Variants in PIP4K2A observed in about 807,000 individuals in gnomAD.
PIP4K2A encodes the protein phosphatidylinositol 5-phosphate 4-kinase type-2 alpha.
A neutral mutation model predicts 42.9 loss-of-function variants in PIP4K2A; 14 were observed. That is an observed-to-expected ratio of 0.33 (90% confidence interval 0.22 to 0.51). The LOEUF (loss-of-function observed/expected upper bound fraction) is 0.51, where lower values mean the gene tolerates loss of function less well. PIP4K2A is among the 20% of genes least tolerant of loss of function. PIP4K2A has a pLI of 0.97. For synonymous variants in PIP4K2A, 192 were observed against 192.2 expected (o/e 1.00, Z 0.01); for missense variants, 434 against 519.8 (o/e 0.83, Z 1.61).
intron 1 of PIP4K2A, among the ~76,000 whole-genome samples, chr10:22,712,011 TC>T (rs1833919471): frequency 6.6e-6 from 1 of 152,210 alleles, no homozygotes; most frequent in African/African-American, 2.4e-5. Context: ...TAGCAATTCT[TC>T]CCACAGTAGC....
chr10:22,675,717 A>C (rs1291144852), intron 1 of PIP4K2A, among the ~76,000 whole-genome samples: 1 of 152,218 alleles, frequency 6.6e-6, no homozygotes, highest in Non-Finnish European at 1.5e-5. Flanking sequence ...TGATCAATGT[A>C]GTACAATTCT....
chr10:22,563,320 C>G (rs1836756336), intron 6 of PIP4K2A, among the ~76,000 whole-genome samples: 1 of 152,124 alleles, frequency 6.6e-6, no homozygotes, highest in African/African-American at 2.4e-5. Flanking sequence ...AATGTTTGCA[C>G]AGTGTAAGAC....
At chr10:22,588,633 G>A (rs1006962498) in intron 4 of PIP4K2A, among the ~76,000 whole-genome samples, 13 of 152,110 alleles carry the variant, frequency 8.5e-5, no homozygotes, top group African/African-American at 2.9e-4. Context: ...GTGAATACAT[G>A]AATAAATGAA....
At chr10:22,685,320 A>T (rs1839742042) in intron 1 of PIP4K2A, among the ~76,000 whole-genome samples, 1 of 152,202 alleles carries the variant, frequency 6.6e-6, no homozygotes, top group Non-Finnish European at 1.5e-5. Flanking sequence ...AATACTAAAA[A>T]ATTTCAGAAG....
intron 1 of PIP4K2A, among the ~76,000 whole-genome samples, chr10:22,630,452 G>A (rs1838525780): frequency 6.6e-6 from 1 of 152,118 alleles, no homozygotes. Context: ...TAGCTACTTA[G>A]ATGTTAAAAT....
chr10:22,704,249 C>T (rs1159332091), intron 1 of PIP4K2A, among the ~76,000 whole-genome samples: 2 of 151,998 alleles, frequency 1.3e-5, no homozygotes, highest in Non-Finnish European at 1.5e-5. Flanking sequence ...AAAAGAGGAG[C>T]CTGCACCTAA....
chr10:22,562,232 AAAAC>A (rs138286437), intron 6 of PIP4K2A, among the ~76,000 whole-genome samples: 96,498 of 151,390 alleles, frequency 0.64, 30,964 homozygotes, highest in South Asian at 0.77. Context: ...AAAAGTTAAA[AAAAC>A]AAACAAACAA....
intron 4 of PIP4K2A, among the ~76,000 whole-genome samples, chr10:22,580,913 C>T (rs966272454): frequency 1.2e-4 from 19 of 152,286 alleles, no homozygotes; most frequent in African/African-American, 3.4e-4. Flanking sequence ...TAATGCGGCC[C>T]GGGAGGCTCC....
chr10:22,540,989 T>A (rs1013870004), intron 8 of PIP4K2A, among the ~76,000 whole-genome samples: 3 of 152,252 alleles, frequency 2.0e-5, no homozygotes, highest in Non-Finnish European at 4.4e-5. Context: ...TCAGCTGATA[T>A]GCCATTTGAG....
At chr10:22,591,567 G>C (rs1837511706) in intron 4 of PIP4K2A, 62 bp downstream of exon 4, 1 of 1,277,088 alleles carries the variant, frequency 7.8e-7, no homozygotes, top group Admixed American at 2.0e-5. Flanking sequence ...TCTGGCCTTG[G>C]TGAGAAATCG....
chr10:22,626,144 G>C (rs190078894), intron 1 of PIP4K2A, among the ~76,000 whole-genome samples: 6 of 152,222 alleles, frequency 3.9e-5, no homozygotes, highest in Admixed American at 2.6e-4. Context: ...CAAAAACTAT[G>C]CAAGTTCGGA....
intron 9 of PIP4K2A, 144 bp downstream of exon 9, chr10:22,539,827 A>G (rs1039249591): frequency 1.3e-5 from 9 of 697,698 alleles, no homozygotes; most frequent in Non-Finnish European, 2.1e-5. Flanking sequence ...GGCTCAGTAG[A>G]AAGCAGCTCA....
chr10:22,620,507 A>T (rs1838301495), intron 1 of PIP4K2A, among the ~76,000 whole-genome samples: 2 of 152,248 alleles, frequency 1.3e-5, no homozygotes, highest in Admixed American at 1.3e-4. Context: ...TTATACTTTA[A>T]AAAACGAGTC....
At chr10:22,623,163 C>CTT (rs199851848) in intron 1 of PIP4K2A, among the ~76,000 whole-genome samples, 1 of 150,698 alleles carries the variant, frequency 6.6e-6, no homozygotes, top group African/African-American at 2.4e-5. Flanking sequence ...CTACCATTGA[C>CTT]TTTTTTTTTA....
intron 1 of PIP4K2A, among the ~76,000 whole-genome samples, chr10:22,681,465 A>G (rs58727843): frequency 0.28 from 42,305 of 152,034 alleles, 8,540 homozygotes; most frequent in African/African-American, 0.57. Context: ...TTTAAGTTTC[A>G]GAGTTTGAGA....
At chr10:22,590,902 A>G (rs1837495281) in intron 4 of PIP4K2A, among the ~76,000 whole-genome samples, 1 of 152,210 alleles carries the variant, frequency 6.6e-6, no homozygotes, top group Non-Finnish European at 1.5e-5. Context: ...TCACATGCTT[A>G]GTAAGCGACC....
chr10:22,585,813 C>A (rs1837381390), intron 4 of PIP4K2A, among the ~76,000 whole-genome samples: 1 of 152,126 alleles, frequency 6.6e-6, no homozygotes, highest in African/African-American at 2.4e-5. Flanking sequence ...CTAGGCTGGT[C>A]TTGAACTCCT....
At chr10:22,664,145 A>G (rs1839286020) in intron 1 of PIP4K2A, among the ~76,000 whole-genome samples, 1 of 24,406 alleles carries the variant, frequency 4.1e-5, no homozygotes, top group Non-Finnish European at 6.5e-5. Context: ...ATATATACAT[A>G]TATATACACA....
intron 4 of PIP4K2A, among the ~76,000 whole-genome samples, chr10:22,580,338 T>C (rs1837238577): frequency 6.6e-6 from 1 of 152,004 alleles, no homozygotes; most frequent in Non-Finnish European, 1.5e-5. Context: ...AAATAACTTG[T>C]AAGCGAATGC....
Sources: allele counts gnomAD v4.1 joint callset (sites outside exome capture counted in the v4.1 genomes callset), GRCh38; gene constraint gnomAD v4.1.1; transcripts MANE v1.5; gene names NCBI Gene and HGNC (gene_info 2026-07-23, HGNC 2026-07-21).